USP7: variants seen among roughly 807,000 people sequenced by gnomAD.
USP7 encodes the protein ubiquitin C-terminal hydrolase 7.
Under a neutral mutation model 162.9 loss-of-function variants are expected in USP7, and 9 were observed. The observed-to-expected ratio is 0.06, with a 90% CI of 0.03 to 0.10. The LOEUF (loss-of-function observed/expected upper bound fraction) is 0.10, where lower values mean the gene tolerates loss of function less well. Ranked by LOEUF, USP7 falls within the 10% of genes least tolerant of loss-of-function variation. USP7 has a pLI of 1.00. For synonymous variants in USP7, 562 were observed against 475.9 expected, an observed-to-expected ratio of 1.18 and a Z score of -2.35; for missense variants, 715 against 1,373.7, an observed-to-expected ratio of 0.52 and a Z score of 7.58.
intron 1 of USP7, among the ~76,000 whole-genome samples, chr16:8,945,996 G>A (rs1470166963): frequency 1.3e-5 from 2 of 152,154 alleles, no homozygotes; most frequent in African/African-American, 4.8e-5. Flanking sequence ...AACGGACAGG[G>A]GAGAATGGAA....
rs555109961 is a variant in USP7, at chr16:8,929,132, C to A, written c.184+1161G>T. 2.9e-4 allele frequency among the ~76,000 whole-genome samples: 44 copies of A among 152,354 alleles called. 1 individual carries two copies. In the South Asian group the frequency reaches 8.9e-3, roughly 31 times the overall value. On this transcript the variant is annotated intron_variant, in intron 2 of 30. Coordinates refer to ENST00000344836, the MANE Select transcript of USP7 (RefSeq NM_003470.3). ...CCCGGAATGTTCCGATAGGGCAGGG[C>A]CTGTCACTGCTACACAAGTGGCTAG...
chr16:8,949,364 G>A (rs1435129415), intron 1 of USP7, among the ~76,000 whole-genome samples: 1 of 152,178 alleles, frequency 6.6e-6, no homozygotes, highest in African/African-American at 2.4e-5. Context: ...ACTATGTAGG[G>A]AAAAACTACT....
rs768031178 is a variant in USP7 at position 8,906,593 on chromosome 16, A to G, written c.1272-11T>C. ...TCTGGGAATTCAAACCTATTAGAAA[A>G]CATTTTAAAAGAAATTCAGTATTAA... On this transcript the variant is annotated splice_polypyrimidine_tract_variant and intron_variant, in intron 12 of 30. Coordinates refer to ENST00000344836, the MANE Select transcript of USP7 (RefSeq NM_003470.3). 2 of 1,607,482 alleles carry G rather than the reference A, an allele frequency of 1.2e-6. No homozygotes were observed. The highest frequency in any genetic ancestry group is 2.7e-5 in the African/African-American group (2 of 74,536).
Position 8,896,972 on chromosome 16 carries a change from C to T in USP7, c.2819+27G>A, listed in dbSNP as rs375585751. 452 of 1,578,096 alleles carry T rather than the reference C, an allele frequency of 2.9e-4. 4 individuals are homozygous for T. The South Asian group carries it at 4.6e-3, about 16-fold the overall frequency. ...TTAACTGCCACCCCTAACTGAACGTCCACAATTGGGCTCAAGAAATACTTG... is the reference window on the plus strand; with the variant it reads ...TTAACTGCCACCCCTAACTGAACGTTCACAATTGGGCTCAAGAAATACTTG... On this transcript the variant is annotated intron_variant, in intron 26 of 30. Transcript: ENST00000344836.
chr16:8,960,097 T>TC (rs925975715), intron 1 of USP7, among the ~76,000 whole-genome samples: 41 of 152,330 alleles, frequency 2.7e-4, no homozygotes, highest in African/African-American at 9.9e-4. Context: ...TGCAAGTCAC[T>TC]CCTTCAGCCC....
intron 30 of USP7, 43 bp from the exon 31 acceptor site, chr16:8,894,147 C>T: frequency 6.4e-7 from 1 of 1,573,704 alleles, no homozygotes. Context: ...CAGAGCAGCC[C>T]TGGAACCCCT....
intron 7 of USP7, 27 bp downstream of exon 7, chr16:8,916,999 T>C: frequency 2.0e-6 from 3 of 1,510,172 alleles, no homozygotes; most frequent in Non-Finnish European, 1.8e-6. Flanking sequence ...GGAAGCAGAA[T>C]GGCAAAGGCA....
chr16:8,936,725 T>G (rs1461588041), intron 1 of USP7: 2 of 1,406,626 alleles, frequency 1.4e-6, no homozygotes, highest in Admixed American at 3.0e-5. Context: ...TCTTTTTTAT[T>G]TTTTAAAGCA....
chr16:8,894,991 G>C (rs1378645253), intron 28 of USP7, 40 bp downstream of exon 28: 2 of 1,613,878 alleles, frequency 1.2e-6, no homozygotes, highest in Non-Finnish European at 1.7e-6. Flanking sequence ...AAAGGCTCCA[G>C]GTTTTGACGT....
intron 2 of USP7, among the ~76,000 whole-genome samples, chr16:8,924,839 A>G (rs372416049): frequency 7.9e-5 from 12 of 152,190 alleles, no homozygotes; most frequent in African/African-American, 2.7e-4. Context: ...CTTCATCCCA[A>G]ATTATTTTAT....
intron 11 of USP7, 141 bp from the exon 12 acceptor site, chr16:8,908,591 G>GT: frequency 1.6e-6 from 1 of 640,122 alleles, no homozygotes; most frequent in Non-Finnish European, 2.7e-6. Flanking sequence ...GTCCATTTAG[G>GT]GCATCTTTGA....
At chr16:8,916,148 T>A (rs1780375219) in intron 8 of USP7, among the ~76,000 whole-genome samples, 1 of 151,948 alleles carries the variant, frequency 6.6e-6, no homozygotes, top group Non-Finnish European at 1.5e-5. Flanking sequence ...GACACTGGAG[T>A]AACAACAGAA....
At chr16:8,925,435 C>T (rs1482786027) in intron 2 of USP7, among the ~76,000 whole-genome samples, 1 of 152,126 alleles carries the variant, frequency 6.6e-6, no homozygotes, top group African/African-American at 2.4e-5. Context: ...CTTTTCCAAC[C>T]CATCTATTTT....
In USP7 at chr16:8,897,242, C is replaced by A. The variant is rs531616722; in HGVS notation, c.2719-143G>T. The A allele has an allele frequency of 2.3e-4, 152 of 649,240 alleles. No individual in the cohort carries two copies. The East Asian group carries it at 3.4e-3, about 15-fold the overall frequency. 40.2% of individuals were successfully genotyped at this position (649,240 alleles called of 1,614,324 possible). ...GTTCTTGCTCTCATTCCCACCCCAA[C>A]TCCCTCATCTGTGAATTCACTCACA... is the stretch of plus-strand genomic sequence containing the variant. On this transcript the variant is annotated intron_variant, in intron 25 of 30. Transcript: ENST00000344836.
intron 1 of USP7, chr16:8,936,733 G>C (rs1898757914): frequency 7.2e-7 from 1 of 1,387,836 alleles, no homozygotes; most frequent in Admixed American, 3.1e-5. Flanking sequence ...ATTTTTTAAA[G>C]CATCCCACAG....
chr16:8,893,941 A>G lies in USP7; in HGVS notation c.*57T>C. On this transcript the variant is annotated 3_prime_UTR_variant, in exon 31 of 31. Transcript: ENST00000344836. Reference sequence around the variant, plus strand: ...TAGAGGGCACGTGCACCAAAGTTCTAGGCTGTTAAGGGGCCACCCACACAC... The same window carrying G: ...TAGAGGGCACGTGCACCAAAGTTCTGGGCTGTTAAGGGGCCACCCACACAC... The G allele has an allele frequency of 6.6e-7, 1 of 1,509,278 alleles. No homozygotes were observed. The highest frequency in any genetic ancestry group is 9.2e-7 in the Non-Finnish European group (1 of 1,084,558). 93.5% of individuals were successfully genotyped at this position (1,509,278 alleles called of 1,614,324 possible).
Position 8,905,254 on chromosome 16 carries a change from A to G in USP7, c.1506T>C (p.Asp502=). ...EAIEHNYGGH[D]DDLSVRHCTN... ...TGCAGTGTCGAACAGACAGGTCGTC[A>G]TCGTGACCCCCATAATTGTGCTCAA... Residue 502 remains aspartate (D), a synonymous_variant, in exon 14 of 31, where the codon GAT becomes GAC. Coordinates refer to ENST00000344836, the MANE Select transcript of USP7 (RefSeq NM_003470.3). 6.2e-7 allele frequency: 1 copy of G among 1,614,234 alleles called. No homozygotes were observed. The highest frequency in any genetic ancestry group is 8.5e-7 in the Non-Finnish European group (1 of 1,180,042).
At chr16:8,897,147 G>T (rs1439700742) in intron 25 of USP7, 48 bp from the exon 26 acceptor site, 1 of 1,397,636 alleles carries the variant, frequency 7.2e-7, no homozygotes, top group South Asian at 1.2e-5. Context: ...AGCATAAAAG[G>T]TCTGCTACCA....
chr16:8,940,936 T>A (rs1596404710), intron 1 of USP7, among the ~76,000 whole-genome samples: 3 of 152,182 alleles, frequency 2.0e-5, no homozygotes, highest in African/African-American at 7.2e-5. Context: ...GTGAAGGTCA[T>A]AATAGGATAC....
Sources: gnomAD v4.1 joint callset for allele counts (sites outside exome capture counted in the v4.1 genomes callset) on GRCh38, gnomAD v4.1.1 for gene constraint, MANE v1.5 for transcripts, NCBI Gene and HGNC (gene_info 2026-07-23, HGNC 2026-07-21) for gene names.